GRM8: variants seen among roughly 807,000 people sequenced by gnomAD.
The protein encoded by GRM8 is metabotropic glutamate receptor 8.
A neutral mutation model predicts 87.2 loss-of-function variants in GRM8; 47 were observed. The observed-to-expected ratio is 0.54, with a 90% CI of 0.43 to 0.69. GRM8 has a LOEUF of 0.69. Ranked by LOEUF, GRM8 falls within the 30% of genes least tolerant of loss-of-function variation. The probability of loss-of-function intolerance (pLI) is 0.00; values close to 1 mark genes in which losing one functional copy is unlikely to be tolerated. For missense variants in GRM8, 1,019 were observed against 1,139.2 expected (o/e 0.89, Z 1.52); for synonymous variants, 396 against 404.5 (o/e 0.98, Z 0.25).
intron 2 of GRM8, among the ~76,000 whole-genome samples, chr7:127,176,312 G>A (rs896512006): frequency 6.6e-6 from 1 of 152,010 alleles, no homozygotes; most frequent in Non-Finnish European, 1.5e-5. Flanking sequence ...ATATGAACAT[G>A]GTAGATATTT....
chr7:127,235,070 A>G (rs1439547669), intron 2 of GRM8, among the ~76,000 whole-genome samples: 1 of 152,214 alleles, frequency 6.6e-6, no homozygotes, highest in Non-Finnish European at 1.5e-5. Flanking sequence ...ACAATTTTGT[A>G]AACCAAAATA....
At chr7:126,466,344 T>C (rs1411106298) in intron 9 of GRM8, among the ~76,000 whole-genome samples, 1 of 151,886 alleles carries the variant, frequency 6.6e-6, no homozygotes. Flanking sequence ...TAAGAAGCAT[T>C]TACTTGATGT....
rs28952000 is a variant in GRM8, at chr7:127,173,102, G to A, written c.511-66390C>T. Among the ~76,000 whole-genome samples, 21 of 152,242 alleles carry A rather than the reference G, an allele frequency of 1.4e-4. No individual in the cohort carries two copies. The East Asian group carries it at 2.1e-3, about 15-fold the overall frequency. ...TACCAAGCACTGGTCTAGGCACCAGGAATATTATTTCATGCCGTCTGGAAG... is the reference window on the plus strand; with the variant it reads ...TACCAAGCACTGGTCTAGGCACCAGAAATATTATTTCATGCCGTCTGGAAG... On this transcript the variant is annotated intron_variant, in intron 2 of 10. Transcript: ENST00000339582.
chr7:127,012,416 T>C (rs1253479185), intron 3 of GRM8, among the ~76,000 whole-genome samples: 3 of 152,162 alleles, frequency 2.0e-5, no homozygotes, highest in Non-Finnish European at 4.4e-5. Flanking sequence ...GATTTCAGTA[T>C]CTTATGTGAC....
At chr7:126,868,768 C>G (rs1457949443) in intron 6 of GRM8, 2 of 152,204 alleles carry the variant, frequency 1.3e-5, no homozygotes, top group Non-Finnish European at 2.9e-5. Context: ...AAAATGCTTT[C>G]AGCATGAGCT....
intron 9 of GRM8, among the ~76,000 whole-genome samples, chr7:126,488,467 A>G (rs1388308512): frequency 6.6e-6 from 1 of 152,040 alleles, no homozygotes; most frequent in Non-Finnish European, 1.5e-5. Context: ...CTAAATTCTT[A>G]TACCTAACAT....
At chr7:126,851,128 C>T (rs1403241426) in intron 6 of GRM8, among the ~76,000 whole-genome samples, 1 of 152,134 alleles carries the variant, frequency 6.6e-6, no homozygotes, top group Admixed American at 6.5e-5. Flanking sequence ...TAGATAACTC[C>T]ATCCTTTCCA....
intron 8 of GRM8, among the ~76,000 whole-genome samples, chr7:126,590,120 T>TAA (rs61063685): frequency 6.0e-4 from 89 of 148,610 alleles, no homozygotes; most frequent in African/African-American, 2.2e-3. Context: ...TTTCATGAAA[T>TAA]AAAAAAAAAA....
rs3038867 is a variant in GRM8 at position 126,819,275 on chromosome 7, T to TACACACACACACACACACAC, written c.1157-49230_1157-49211dup. 8.7e-3 allele frequency among the ~76,000 whole-genome samples: 1,287 copies of TACACACACACACACACACAC among 148,302 alleles called. 8 individuals are homozygous for TACACACACACACACACACAC. Among genetic ancestry groups the TACACACACACACACACACAC allele is most frequent in the South Asian group, 0.013 (61 of 4,638 alleles). On this transcript the variant is annotated intron_variant, in intron 6 of 10. Transcript: ENST00000339582. Reference sequence around the variant, plus strand: ...CCCTTCCTATTCAGACAGACACACATACACACACACACACACACACACGTG... The same window carrying TACACACACACACACACACAC: ...CCCTTCCTATTCAGACAGACACACATACACACACACACACACACACACACACACACACACACACACACGTG...
At chr7:126,884,363 A>C (rs1332239086) in intron 6 of GRM8, among the ~76,000 whole-genome samples, 1 of 152,184 alleles carries the variant, frequency 6.6e-6, no homozygotes, top group African/African-American at 2.4e-5. Context: ...AAATGTTTAT[A>C]TGGGAGTTCT....
intron 3 of GRM8, among the ~76,000 whole-genome samples, chr7:127,015,468 A>G (rs532922960): frequency 6.6e-6 from 1 of 152,156 alleles, no homozygotes; most frequent in Admixed American, 6.5e-5. Context: ...AGGTAAGGGG[A>G]TGGATACTAG....
At chr7:126,471,742 C>T (rs1264156419) in intron 9 of GRM8, among the ~76,000 whole-genome samples, 1 of 151,746 alleles carries the variant, frequency 6.6e-6, no homozygotes, top group Admixed American at 6.6e-5. Flanking sequence ...TCATTGGTAG[C>T]TTGATGGGGA....
chr7:126,581,359 T>A (rs1161882731), intron 8 of GRM8, among the ~76,000 whole-genome samples: 1 of 152,104 alleles, frequency 6.6e-6, no homozygotes, highest in Non-Finnish European at 1.5e-5. Context: ...CTATTTTTCA[T>A]GGAATGCCCA....
chr7:126,521,723 T>C (rs927421544), intron 9 of GRM8, among the ~76,000 whole-genome samples: 1 of 152,138 alleles, frequency 6.6e-6, no homozygotes, highest in African/African-American at 2.4e-5. Flanking sequence ...TACTCTAAAA[T>C]TTGCCCAAGC....
intron 6 of GRM8, among the ~76,000 whole-genome samples, chr7:126,875,747 T>C (rs1204529): frequency 0.68 from 102,626 of 151,442 alleles, 35,438 homozygotes; most frequent in African/African-American, 0.82. Context: ...ACACCATCAC[T>C]TCTCACCTGA....
intron 9 of GRM8, among the ~76,000 whole-genome samples, chr7:126,496,340 AT>A (rs1221757091): frequency 5.9e-5 from 9 of 152,060 alleles, no homozygotes; most frequent in Non-Finnish European, 1.2e-4. Context: ...TATAGATTAG[AT>A]AAATGAGGTC....
intron 8 of GRM8, among the ~76,000 whole-genome samples, chr7:126,541,992 A>G (rs2150897686): frequency 6.6e-6 from 1 of 152,314 alleles, no homozygotes; most frequent in African/African-American, 2.4e-5. Flanking sequence ...ACATTATCCA[A>G]TATAACTGAT....
chr7:126,986,194 T>G (rs1249885516), intron 3 of GRM8, among the ~76,000 whole-genome samples: 4 of 152,082 alleles, frequency 2.6e-5, no homozygotes, highest in African/African-American at 9.6e-5. Flanking sequence ...TTTTAAAACA[T>G]TTTTTGTAGA....
chr7:127,183,990 G>A (rs1024148312), intron 2 of GRM8, among the ~76,000 whole-genome samples: 1 of 151,772 alleles, frequency 6.6e-6, no homozygotes, highest in South Asian at 2.1e-4. Flanking sequence ...ATCTGAAGAG[G>A]ACCATATCTA....
Sources: allele counts gnomAD v4.1 joint callset (sites outside exome capture counted in the v4.1 genomes callset), GRCh38; gene constraint gnomAD v4.1.1; transcripts MANE v1.5; gene names NCBI Gene and HGNC (gene_info 2026-07-23, HGNC 2026-07-21).